EDEM3: variants seen among roughly 807,000 people sequenced by gnomAD.
EDEM3 encodes ER degradation-enhancing alpha-mannosidase-like protein 3.
Under a neutral mutation model 110.2 loss-of-function variants are expected in EDEM3, and 60 were observed. The observed-to-expected ratio is 0.54, with a 90% CI of 0.44 to 0.67. The LOEUF (loss-of-function observed/expected upper bound fraction) is 0.67, where lower values mean the gene tolerates loss of function less well. Ranked by LOEUF, EDEM3 falls within the 30% of genes least tolerant of loss-of-function variation. The pLI, the probability that EDEM3 is intolerant of heterozygous loss-of-function variation, is 0.00. For missense variants in EDEM3, 996 were observed against 1,121.0 expected (o/e 0.89, Z 1.59); for synonymous variants, 352 against 382.9 (o/e 0.92, Z 0.94).
In EDEM3 at chr1:184,749,533, A is replaced by C. The variant is rs770326798; in HGVS notation, c.204+14T>G. On this transcript the variant is annotated intron_variant, in intron 2 of 19. Coordinates refer to ENST00000318130, the MANE Select transcript of EDEM3 (RefSeq NM_025191.4). ...CTCACATAAATGGTAGGTAAAGATA[A>C]GCTTCCTACTTACCATATAGTTACC... is the stretch of plus-strand genomic sequence containing the variant. 9 of 1,552,700 alleles carry C rather than the reference A, an allele frequency of 5.8e-6. No individual in the cohort carries two copies. In the South Asian group the frequency reaches 9.6e-5, roughly 17 times the overall value.
rs1275317046 is a variant in EDEM3 at position 184,701,572 on chromosome 1, G to C, written c.2389+1239C>G. 6.3e-6 allele frequency: 8 copies of C among 1,271,510 alleles called. No individual in the cohort carries two copies. The African/African-American group carries it at 1.2e-4, about 20-fold the overall frequency. 78.8% of individuals were successfully genotyped at this position (1,271,510 alleles called of 1,614,324 possible). A position where few individuals can be genotyped will look rare whatever the true frequency, so the allele number is the denominator to read the frequency against. On this transcript the variant is annotated intron_variant, in intron 19 of 19. Transcript: ENST00000318130. Reference sequence around the variant, plus strand: ...GAAATTCCAGTGGTAGCACAAAATAGGGGGAAAAAAAGCAAATGCATTAAA... The same window carrying C: ...GAAATTCCAGTGGTAGCACAAAATACGGGGAAAAAAAGCAAATGCATTAAA...
chr1:184,693,388 T>TA lies in EDEM3; in HGVS notation c.*674dup, dbSNP rs941366332. ...GACCTTTTTACCTGGTCCCACTGAT[T>TA]AGTCTTTATGCAGAGAACTCACTGA... On this transcript the variant is annotated 3_prime_UTR_variant, in exon 20 of 20. Coordinates refer to ENST00000318130, the MANE Select transcript of EDEM3 (RefSeq NM_025191.4). 2 of 152,552 alleles carry TA rather than the reference T, an allele frequency of 1.3e-5. No homozygotes were observed. The highest frequency in any genetic ancestry group is 4.8e-5 in the African/African-American group (2 of 41,430). 9.4% of individuals were successfully genotyped at this position (152,552 alleles called of 1,614,324 possible).
chr1:184,696,317 C>T (rs1227430897), intron 19 of EDEM3, among the ~76,000 whole-genome samples: 8 of 152,068 alleles, frequency 5.3e-5, no homozygotes, highest in African/African-American at 1.7e-4. Flanking sequence ...TATTCCTCTA[C>T]CCTAAGAAGA....
Position 184,711,705 on chromosome 1 carries a change from T to G in EDEM3, c.1691+18A>C. ...GAAACAACTTTGATATTAGAAAATA[T>G]AAAATAATACATCTTACACTCTGAT... is the stretch of plus-strand genomic sequence containing the variant. On this transcript the variant is annotated intron_variant, in intron 15 of 19. Transcript: ENST00000318130. The G allele has an allele frequency of 6.4e-7, 1 of 1,555,526 alleles. No individual in the cohort carries two copies. Among genetic ancestry groups the G allele is most frequent in the Non-Finnish European group, 8.7e-7 (1 of 1,154,780 alleles).
Position 184,700,923 on chromosome 1 carries a change from AC to A in EDEM3, c.2389+1887del, listed in dbSNP as rs1359513022. On this transcript the variant is annotated intron_variant, in intron 19 of 19. Coordinates refer to ENST00000318130, the MANE Select transcript of EDEM3 (RefSeq NM_025191.4). ...TTACACAAAAAGGGGGCTTTTCAAT[AC>A]TTTTATCAAAAGATCACTCTATAAC... Among the ~76,000 whole-genome samples the A allele has an allele frequency of 4.6e-5, 7 of 152,044 alleles. No individual in the cohort carries two copies. In the East Asian group the frequency reaches 1.2e-3, roughly 25 times the overall value.
At chr1:184,726,857 T>C (rs1449010839) in intron 6 of EDEM3, among the ~76,000 whole-genome samples, 3 of 152,242 alleles carry the variant, frequency 2.0e-5, no homozygotes, top group Non-Finnish European at 4.4e-5. Context: ...AAAAACGGAT[T>C]GTTATGGTAT....
chr1:184,707,274 G>C (rs972469292), intron 17 of EDEM3, among the ~76,000 whole-genome samples: 3 of 152,180 alleles, frequency 2.0e-5, no homozygotes, highest in Admixed American at 6.5e-5. Context: ...AATGGACTTA[G>C]TCTATATGAA....
chr1:184,719,311 T>A (rs540347956), intron 10 of EDEM3, 66 bp from the exon 11 acceptor site: 3 of 1,512,186 alleles, frequency 2.0e-6, no homozygotes, highest in Non-Finnish European at 2.7e-6. Context: ...AATCATTACA[T>A]AAACAGAAAA....
intron 19 of EDEM3, among the ~76,000 whole-genome samples, chr1:184,698,451 G>T (rs1649442393): frequency 6.6e-6 from 1 of 151,740 alleles, no homozygotes; most frequent in Non-Finnish European, 1.5e-5. Flanking sequence ...GCTTTCAAAA[G>T]AATAAGTTAT....
In EDEM3 at chr1:184,709,237, A is replaced by C. The variant is rs143240975; in HGVS notation, c.1846-893T>G. ...AAAGAGATAATTCAAGTTTGGACAG[A>C]TTGAGATTGAGATGCAAGATGTATG... On this transcript the variant is annotated intron_variant, in intron 16 of 19. Transcript: ENST00000318130. Among the ~76,000 whole-genome samples, 433 of 152,288 alleles carry C rather than the reference A, an allele frequency of 2.8e-3. 5 individuals carry two copies. The East Asian group carries it at 0.035, about 12-fold the overall frequency.
At chr1:184,694,556 C>A in intron 19 of EDEM3, 84 bp from the exon 20 acceptor site, 1 of 1,319,258 alleles carries the variant, frequency 7.6e-7, no homozygotes, top group Non-Finnish European at 1.0e-6. Context: ...GTTTTTGCAA[C>A]AAGATGAAAT....
intron 6 of EDEM3, among the ~76,000 whole-genome samples, chr1:184,732,177 C>T (rs1186108862): frequency 6.6e-6 from 1 of 151,552 alleles, no homozygotes; most frequent in Non-Finnish European, 1.5e-5. Context: ...CTCCATTCCC[C>T]CCCACCAAAA....
At position 184,708,296 on chromosome 1, in the gene EDEM3, T is replaced by C. The variant is rs1186485939; in HGVS notation, c.1894A>G (p.Met632Val). The C allele has an allele frequency of 3.1e-6, 5 of 1,613,310 alleles. No homozygotes were observed. The highest frequency in any genetic ancestry group is 4.2e-6 in the Non-Finnish European group (5 of 1,179,840). Residue 632 changes from methionine (M) to valine (V), a missense_variant, in exon 17 of 20, where the codon ATG (methionine) becomes GTG (valine). By Grantham distance (21) the Met-to-Val change is conservative (BLOSUM62 1). Around this residue, in one of 5 missense-constraint regions of EDEM3, gnomAD observed 345 missense variants for 402.0 expected, o/e 0.86. Coordinates refer to ENST00000318130, the MANE Select transcript of EDEM3 (RefSeq NM_025191.4). ...AEDGLRFMQE[M>V]IELSSQQQKE... ...TGTTGCTGACTTGACAATTCAATCA[T>C]CTCCTGCATGAACCTCAACCCATCT...
chr1:184,740,249 T>A (rs1352788257), intron 2 of EDEM3, among the ~76,000 whole-genome samples: 1 of 152,182 alleles, frequency 6.6e-6, no homozygotes, highest in Non-Finnish European at 1.5e-5. Flanking sequence ...GCACCAAGAA[T>A]AATAGGATTA....
At chr1:184,715,929 G>A (rs1650520158) in intron 13 of EDEM3, among the ~76,000 whole-genome samples, 1 of 152,054 alleles carries the variant, frequency 6.6e-6, no homozygotes, top group Non-Finnish European at 1.5e-5. Context: ...AAGAACTAAG[G>A]GACAACTCTA....
At chr1:184,702,697 T>G in intron 19 of EDEM3, 114 bp downstream of exon 19, 1 of 645,320 alleles carries the variant, frequency 1.5e-6, no homozygotes, top group South Asian at 4.5e-5. Context: ...CTAAAAGTTT[T>G]ACTTGTTTTC....
rs148509152 is a variant in EDEM3, at chr1:184,695,466, C to T, written c.2390-994G>A. Among the ~76,000 whole-genome samples, 428 of 152,086 alleles carry T rather than the reference C, an allele frequency of 2.8e-3. 5 individuals carry two copies. In the East Asian group the frequency reaches 0.036, roughly 13 times the overall value. ...CTCAAGTCCCTTATGTAAAATGACA[C>T]AGTATTTGCATATAACTGACACACA... On this transcript the variant is annotated intron_variant, in intron 19 of 19. Coordinates refer to ENST00000318130, the MANE Select transcript of EDEM3 (RefSeq NM_025191.4).
intron 18 of EDEM3, 38 bp downstream of exon 18, chr1:184,706,605 C>A (rs767588423): frequency 2.0e-6 from 3 of 1,489,806 alleles, no homozygotes; most frequent in Non-Finnish European, 1.8e-6. Context: ...AAAATTATCT[C>A]CCCTTCAGTC....
intron 6 of EDEM3, among the ~76,000 whole-genome samples, chr1:184,729,807 C>T (rs1651399722): frequency 1.3e-5 from 2 of 151,636 alleles, no homozygotes; most frequent in Admixed American, 6.6e-5. Context: ...TACCATAACG[C>T]TCATAGTATC....
Sources: gnomAD v4.1 joint callset for allele counts (sites outside exome capture counted in the v4.1 genomes callset) on GRCh38, gnomAD v4.1.1 for gene constraint, gnomAD v4.1.1 regional missense constraint, MANE v1.5 for transcripts, NCBI Gene and HGNC (gene_info 2026-07-23, HGNC 2026-07-21) for gene names.